PTPRM: variants seen among roughly 807,000 people sequenced by gnomAD.
PTPRM encodes the protein protein tyrosine phosphatase receptor type M, also known as receptor-type tyrosine-protein phosphatase mu.
PTPRM carries 47 observed loss-of-function variants against 186.7 expected under a neutral mutation model. That is an observed-to-expected ratio of 0.25 (90% CI 0.20 to 0.32). PTPRM has a LOEUF of 0.32. Among genes scored for constraint, PTPRM ranks in the 10% least tolerant of loss-of-function variants. PTPRM has a pLI of 1.00. For synonymous variants in PTPRM, 668 were observed against 674.9 expected (o/e 0.99, Z 0.16); for missense variants, 1,494 against 1,865.0 (o/e 0.80, Z 3.66).
chr18:8,024,325 A>G (rs2085424381), intron 7 of PTPRM, among the ~76,000 whole-genome samples: 3 of 152,104 alleles, frequency 2.0e-5, no homozygotes, highest in Middle Eastern at 3.4e-3. Context: ...GATCTCCGTC[A>G]TTAGTTTCTC....
chr18:7,856,705 C>T (rs1268219373), intron 2 of PTPRM, among the ~76,000 whole-genome samples: 10 of 150,148 alleles, frequency 6.7e-5, no homozygotes, highest in African/African-American at 2.5e-4. Flanking sequence ...GATCATGCCA[C>T]TGCACTCCAG....
At chr18:8,149,993 G>T in intron 14 of PTPRM, among the ~76,000 whole-genome samples, 1 of 152,200 alleles carries the variant, frequency 6.6e-6, no homozygotes, top group East Asian at 1.9e-4. Flanking sequence ...CTTCTGACTT[G>T]TAGGGTTTCT....
At chr18:8,394,833 C>T (rs903933874) in intron 32 of PTPRM, among the ~76,000 whole-genome samples, 2 of 152,158 alleles carry the variant, frequency 1.3e-5, no homozygotes, top group African/African-American at 4.8e-5. Flanking sequence ...ATTCGAAATG[C>T]GGAAATAGCT....
At chr18:8,064,276 A>G (rs1430634478) in intron 7 of PTPRM, among the ~76,000 whole-genome samples, 1 of 152,212 alleles carries the variant, frequency 6.6e-6, no homozygotes, top group Non-Finnish European at 1.5e-5. Flanking sequence ...TACAAGAAAG[A>G]CATGGTGAGA....
At chr18:8,355,016 A>C (rs371877744) in intron 23 of PTPRM, among the ~76,000 whole-genome samples, 1 of 152,224 alleles carries the variant, frequency 6.6e-6, no homozygotes, top group Non-Finnish European at 1.5e-5. Context: ...TAAAGGTACA[A>C]GAAAAGGGGA....
In PTPRM at chr18:8,270,313, G is replaced by A. The variant is rs182948155; in HGVS notation, c.2754+16899G>A. The A allele has an allele frequency of 4.6e-5, 7 of 151,352 alleles. No homozygotes were observed. In the East Asian group the frequency reaches 1.4e-3, roughly 29 times the overall value. 9.4% of individuals were successfully genotyped at this position (151,352 alleles called of 1,614,324 possible). A position where few individuals can be genotyped will look rare whatever the true frequency, so the allele number is the denominator to read the frequency against. ...AGGAAGATATACAAATGGTCAATAG[G>A]TATAATAAAAGGTGATTAACATCAC... On this transcript the variant is annotated intron_variant, in intron 19 of 32. Transcript: ENST00000580170.
intron 7 of PTPRM, among the ~76,000 whole-genome samples, chr18:8,029,102 A>G (rs2085767655): frequency 6.6e-6 from 1 of 152,184 alleles, no homozygotes; most frequent in Non-Finnish European, 1.5e-5. Flanking sequence ...TGGTTCATTC[A>G]TATGGGTTCT....
At chr18:8,240,825 AG>A (rs1164695854) in intron 14 of PTPRM, among the ~76,000 whole-genome samples, 6 of 24,694 alleles carry the variant, frequency 2.4e-4, no homozygotes, top group African/African-American at 6.3e-4. Context: ...AGAGAGAGAG[AG>A]AAAGAAAGAA....
At chr18:7,765,053 GTTCC>G (rs2041955152) in intron 1 of PTPRM, among the ~76,000 whole-genome samples, 2 of 152,192 alleles carry the variant, frequency 1.3e-5, no homozygotes, top group African/African-American at 4.8e-5. Context: ...AGATAGTCAA[GTTCC>G]TAATAATTTG....
At chr18:7,899,952 C>G (rs956374322) in intron 3 of PTPRM, among the ~76,000 whole-genome samples, 1 of 152,158 alleles carries the variant, frequency 6.6e-6, no homozygotes, top group Admixed American at 6.5e-5. Flanking sequence ...GAAAACAAGT[C>G]AAGCCAGGGA....
chr18:7,615,396 C>T (rs1055982546), intron 1 of PTPRM, among the ~76,000 whole-genome samples: 7 of 152,022 alleles, frequency 4.6e-5, no homozygotes, highest in Admixed American at 2.6e-4. Context: ...CGGGATCACT[C>T]GCCCCTTTCT....
intron 7 of PTPRM, among the ~76,000 whole-genome samples, chr18:8,061,743 C>A (rs2088538484): frequency 9.1e-6 from 1 of 110,148 alleles, no homozygotes; most frequent in South Asian, 3.5e-4. Flanking sequence ...ATATGAAATT[C>A]TGGGTTGAAA....
chr18:7,694,537 C>T (rs192631858), intron 1 of PTPRM, among the ~76,000 whole-genome samples: 93 of 151,896 alleles, frequency 6.1e-4, no homozygotes, highest in African/African-American at 2.0e-3. Context: ...AGTGATTCTC[C>T]TGCCTCAGCC....
chr18:8,144,321 G>A (rs2146130757), intron 14 of PTPRM, among the ~76,000 whole-genome samples: 1 of 152,268 alleles, frequency 6.6e-6, no homozygotes, highest in East Asian at 1.9e-4. Context: ...AAATCACAGA[G>A]CAAGTGGTGT....
At chr18:8,352,841 T>C (rs2095543179) in intron 23 of PTPRM, among the ~76,000 whole-genome samples, 1 of 152,106 alleles carries the variant, frequency 6.6e-6, no homozygotes, top group African/African-American at 2.4e-5. Context: ...TGGCTAACTT[T>C]TTGTATTTTT....
intron 1 of PTPRM, among the ~76,000 whole-genome samples, chr18:7,601,790 C>T (rs2037409491): frequency 6.6e-6 from 1 of 152,272 alleles, no homozygotes; most frequent in East Asian, 1.9e-4. Flanking sequence ...ATTATTCAAC[C>T]TGCTACACCC....
At chr18:8,321,071 A>G (rs2095342757) in intron 22 of PTPRM, among the ~76,000 whole-genome samples, 1 of 152,174 alleles carries the variant, frequency 6.6e-6, no homozygotes, top group Admixed American at 6.5e-5. Context: ...ACCTGTTGTT[A>G]GGGGTTTGAA....
chr18:7,590,562 A>C (rs2037099220), intron 1 of PTPRM, among the ~76,000 whole-genome samples: 1 of 152,214 alleles, frequency 6.6e-6, no homozygotes, highest in East Asian at 1.9e-4. Flanking sequence ...AGAAGTAAAA[A>C]AATTGGGAAC....
intron 1 of PTPRM, among the ~76,000 whole-genome samples, chr18:7,732,529 G>T (rs188132299): frequency 6.6e-6 from 1 of 151,800 alleles, no homozygotes; most frequent in Non-Finnish European, 1.5e-5. Context: ...TTAGAGACAG[G>T]GTCTTGCTCT....
Sources: gnomAD v4.1 joint callset for allele counts (sites outside exome capture counted in the v4.1 genomes callset) on GRCh38, gnomAD v4.1.1 for gene constraint, MANE v1.5 for transcripts, NCBI Gene and HGNC (gene_info 2026-07-23, HGNC 2026-07-21) for gene names.